The following RPSA2 variants were observed in gnomAD, a reference collection of about 807,000 sequenced individuals.
RPSA2 encodes the protein small ribosomal subunit protein uS2B.
At chr19:23,860,029 G>T in the RPSA2 span, among the ~76,000 whole-genome samples, 1 of 152,056 alleles carries the variant, frequency 6.6e-6, no homozygotes, top group Non-Finnish European at 1.5e-5. Context: ...ATCAAAGAGG[G>T]TACCAGATTC....
chr19:23,801,880 C>T, the RPSA2 span, among the ~76,000 whole-genome samples: 1 of 152,080 alleles, frequency 6.6e-6, no homozygotes, highest in African/African-American at 2.4e-5. Context: ...CATGTTGTGT[C>T]AGCTTTTTTT....
the RPSA2 span, among the ~76,000 whole-genome samples, chr19:23,847,491 C>G: frequency 2.0e-5 from 3 of 152,098 alleles, no homozygotes; most frequent in Non-Finnish European, 4.4e-5. Flanking sequence ...AGCCACAAAA[C>G]CAGCAGGTTT....
the RPSA2 span, among the ~76,000 whole-genome samples, chr19:23,810,721 G>T: frequency 2.0e-5 from 3 of 152,142 alleles, no homozygotes; most frequent in African/African-American, 7.2e-5. Context: ...AGGTCTGCAG[G>T]CCTCTCAGCA....
At chr19:23,775,870 A>G in the RPSA2 span, among the ~76,000 whole-genome samples, 1 of 152,212 alleles carries the variant, frequency 6.6e-6, no homozygotes, top group African/African-American at 2.4e-5. Context: ...TTTCATACCA[A>G]GAACTGGGGT....
the RPSA2 span, among the ~76,000 whole-genome samples, chr19:23,856,375 A>C: frequency 6.6e-6 from 1 of 152,064 alleles, no homozygotes; most frequent in Non-Finnish European, 1.5e-5. Context: ...GAATAGGGTG[A>C]CCATATTTTC....
At chr19:23,831,282 A>T in the RPSA2 span, among the ~76,000 whole-genome samples, 1,813 of 152,330 alleles carry the variant, frequency 0.012, 40 homozygotes, top group African/African-American at 0.041. Context: ...ACCAAGAGTT[A>T]GGAATTTACT....
the RPSA2 span, among the ~76,000 whole-genome samples, chr19:23,778,515 C>T: frequency 6.6e-6 from 1 of 152,104 alleles, no homozygotes; most frequent in Non-Finnish European, 1.5e-5. Context: ...TGCCTGGTGA[C>T]TCTGTTTTTT....
the RPSA2 span, among the ~76,000 whole-genome samples, chr19:23,844,318 G>A: frequency 6.6e-6 from 1 of 151,980 alleles, no homozygotes; most frequent in East Asian, 1.9e-4. Context: ...TGTATGTATG[G>A]TTTGCTATTG....
the RPSA2 span, among the ~76,000 whole-genome samples, chr19:23,801,953 G>C: frequency 8.5e-5 from 13 of 152,154 alleles, no homozygotes; most frequent in African/African-American, 3.1e-4. Context: ...TCCTTTGATT[G>C]TACTCGCTGT....
the RPSA2 span, among the ~76,000 whole-genome samples, chr19:23,770,015 T>G: frequency 1.3e-5 from 2 of 152,188 alleles, no homozygotes. Flanking sequence ...TGTGACTCTT[T>G]GCTCATGCAT....
the RPSA2 span, among the ~76,000 whole-genome samples, chr19:23,816,924 T>C: frequency 1.3e-5 from 2 of 152,112 alleles, no homozygotes; most frequent in Non-Finnish European, 2.9e-5. Context: ...TCCCACAACA[T>C]GTGGGAATTA....
the RPSA2 span, among the ~76,000 whole-genome samples, chr19:23,859,608 C>A: frequency 1.6e-5 from 2 of 128,832 alleles, no homozygotes; most frequent in South Asian, 5.9e-4. Flanking sequence ...GCCTGGGCAA[C>A]AATAACAAAG....
the RPSA2 span, among the ~76,000 whole-genome samples, chr19:23,819,959 G>C: frequency 6.6e-6 from 1 of 152,218 alleles, no homozygotes; most frequent in Non-Finnish European, 1.5e-5. Context: ...TCTGACGCTA[G>C]AGTCAGGGGC....
At chr19:23,837,658 CCTT>C in the RPSA2 span, among the ~76,000 whole-genome samples, 15 of 151,928 alleles carry the variant, frequency 9.9e-5, no homozygotes, top group Admixed American at 6.6e-4. Flanking sequence ...TTGTAGTTTT[CCTT>C]CTTTTGGCTC....
the RPSA2 span, among the ~76,000 whole-genome samples, chr19:23,850,748 T>A: frequency 3.3e-5 from 5 of 152,072 alleles, no homozygotes; most frequent in African/African-American, 1.2e-4. Context: ...AGGGAGAATT[T>A]TTTTTGCCTG....
chr19:23,819,969 C>A, the RPSA2 span, among the ~76,000 whole-genome samples: 1 of 152,190 alleles, frequency 6.6e-6, no homozygotes, highest in Non-Finnish European at 1.5e-5. Flanking sequence ...GAGTCAGGGG[C>A]AGTCGAAATC....
At chr19:23,835,539 C>G in the RPSA2 span, among the ~76,000 whole-genome samples, 1 of 152,094 alleles carries the variant, frequency 6.6e-6, no homozygotes, top group African/African-American at 2.4e-5. Context: ...TCAGAATCTC[C>G]CCATGCAAAT....
chr19:23,841,367 G>A, the RPSA2 span, among the ~76,000 whole-genome samples: 2 of 152,116 alleles, frequency 1.3e-5, no homozygotes, highest in South Asian at 2.1e-4. Flanking sequence ...GGGAGGCTAA[G>A]GCAGGAGAAT....
the RPSA2 span, among the ~76,000 whole-genome samples, chr19:23,786,536 T>C: frequency 5.9e-5 from 9 of 152,232 alleles, no homozygotes; most frequent in African/African-American, 2.2e-4. Context: ...CCTTACATGT[T>C]GTGCCATATT....
Sources: gnomAD v4.1 joint callset for allele counts (sites outside exome capture counted in the v4.1 genomes callset) on GRCh38, gnomAD v4.1.1 for gene constraint, MANE v1.5 for transcripts, NCBI Gene and HGNC (gene_info 2026-07-23, HGNC 2026-07-21) for gene names.